SPOCK3: variants seen among roughly 807,000 people sequenced by gnomAD.
The protein encoded by SPOCK3 is testican-3.
Under a neutral mutation model 56.6 loss-of-function variants are expected in SPOCK3, and 30 were observed. The observed-to-expected ratio is 0.53, with a 90% CI of 0.40 to 0.72. The LOEUF (loss-of-function observed/expected upper bound fraction) is 0.72, where lower values mean the gene tolerates loss of function less well. Among genes scored for constraint, SPOCK3 ranks in the 30% least tolerant of loss-of-function variants. The pLI is 0.00. For missense variants in SPOCK3, 527 were observed against 530.0 expected (o/e 0.99, Z 0.06); for synonymous variants, 196 against 183.3 (o/e 1.07, Z -0.56).
At chr4:167,163,108 C>A (rs151166780) in intron 2 of SPOCK3, among the ~76,000 whole-genome samples, 316 of 149,104 alleles carry the variant, frequency 2.1e-3, no homozygotes, top group African/African-American at 7.1e-3. Context: ...TTTTTATTTA[C>A]ATACAATTTT....
At chr4:167,234,233 A>G in intron 1 of SPOCK3, 60 bp from the exon 2 acceptor site, 1 of 1,562,346 alleles carries the variant, frequency 6.4e-7, no homozygotes, top group Non-Finnish European at 8.8e-7. Context: ...AAGGGGTACG[A>G]AGCCAGGAGC....
At chr4:167,199,233 GTGT>G (rs1733270328) in intron 2 of SPOCK3, among the ~76,000 whole-genome samples, 1 of 142,888 alleles carries the variant, frequency 7.0e-6, no homozygotes, top group South Asian at 2.2e-4. Flanking sequence ...GTTTGTGTGT[GTGT>G]GTGTGTGTGT....
At chr4:167,058,732 T>G (rs1580158817) in intron 3 of SPOCK3, among the ~76,000 whole-genome samples, 2 of 152,024 alleles carry the variant, frequency 1.3e-5, no homozygotes, top group South Asian at 2.1e-4. Context: ...GAGGCATCAC[T>G]CTACCTGACT....
intron 2 of SPOCK3, among the ~76,000 whole-genome samples, chr4:167,144,663 T>C (rs1409229392): frequency 2.6e-5 from 4 of 151,380 alleles, no homozygotes; most frequent in African/African-American, 7.3e-5. Context: ...AGCTTGTGAT[T>C]TTAAACAGGA....
At position 166,737,602 on chromosome 4, in the gene SPOCK3, G is replaced by T. The variant is rs747369081; in HGVS notation, c.997C>A (p.Gln333Lys). The T allele has an allele frequency of 6.2e-7, 1 of 1,607,224 alleles. No homozygotes were observed. Residue 333 changes from glutamine (Q) to lysine (K), a missense_variant and splice_region_variant, in exon 10 of 11, where the codon CAG becomes AAG. Coordinates refer to ENST00000357545, the MANE Select transcript of SPOCK3 (RefSeq NM_001040159.2). ...KRQGVKKLLG[Q>K]YIPLCDEDGY... ...TCTTCATCACACAGGGGGATATACT[G>T]TCCTGTTGAAACAACACACAGGCAT...
At chr4:166,909,714 C>G (rs1182660500) in intron 5 of SPOCK3, among the ~76,000 whole-genome samples, 2 of 152,040 alleles carry the variant, frequency 1.3e-5, no homozygotes, top group Non-Finnish European at 2.9e-5. Context: ...AAGCAAGGAG[C>G]TTCATGGACC....
intron 2 of SPOCK3, among the ~76,000 whole-genome samples, chr4:167,196,081 T>A (rs931710224): frequency 3.5e-4 from 54 of 152,276 alleles, no homozygotes; most frequent in African/African-American, 1.2e-3. Context: ...TAAGAAAAAA[T>A]TGTATCATAC....
intron 2 of SPOCK3, among the ~76,000 whole-genome samples, chr4:167,208,987 A>G (rs922909508): frequency 2.0e-5 from 3 of 152,174 alleles, no homozygotes; most frequent in Non-Finnish European, 4.4e-5. Context: ...CTAATAGTGA[A>G]ATATCTTTTT....
intron 2 of SPOCK3, among the ~76,000 whole-genome samples, chr4:167,090,463 T>C (rs374868748): frequency 2.6e-5 from 4 of 152,156 alleles, no homozygotes; most frequent in Admixed American, 6.6e-5. Flanking sequence ...ATTTTTAGCA[T>C]GTAATATTTT....
intron 6 of SPOCK3, among the ~76,000 whole-genome samples, chr4:166,851,920 GGATT>G (rs375826573): frequency 0.013 from 1,919 of 151,918 alleles, 23 homozygotes; most frequent in Middle Eastern, 0.037. Flanking sequence ...ATGATAGATT[GGATT>G]AAGAAAATGT....
intron 3 of SPOCK3, among the ~76,000 whole-genome samples, chr4:167,024,183 G>T (rs1391865057): frequency 6.6e-6 from 1 of 151,826 alleles, no homozygotes; most frequent in African/African-American, 2.4e-5. Context: ...CCCTTAACCT[G>T]TTCACACTTT....
At chr4:167,164,126 GAACT>G (rs1244561251) in intron 2 of SPOCK3, among the ~76,000 whole-genome samples, 5 of 152,006 alleles carry the variant, frequency 3.3e-5, no homozygotes, top group Non-Finnish European at 5.9e-5. Flanking sequence ...GTCCAGACAA[GAACT>G]AACAAAGCTT....
intron 2 of SPOCK3, among the ~76,000 whole-genome samples, chr4:167,170,805 G>A (rs1730434561): frequency 6.6e-6 from 1 of 152,158 alleles, no homozygotes; most frequent in Non-Finnish European, 1.5e-5. Context: ...ATGTGGAGGT[G>A]TTAGAGCCCC....
chr4:167,108,771 A>G (rs528495040), intron 2 of SPOCK3, among the ~76,000 whole-genome samples: 3 of 150,990 alleles, frequency 2.0e-5, no homozygotes, highest in Non-Finnish European at 4.4e-5. Flanking sequence ...GTAGTCAAAA[A>G]TAATTTAACT....
chr4:166,877,297 C>A (rs1224955116), intron 6 of SPOCK3, among the ~76,000 whole-genome samples: 1 of 152,122 alleles, frequency 6.6e-6, no homozygotes, highest in African/African-American at 2.4e-5. Context: ...GATTTCTCTG[C>A]AGCTATTTTC....
intron 3 of SPOCK3, among the ~76,000 whole-genome samples, chr4:167,034,034 G>T (rs1433179522): frequency 6.6e-6 from 1 of 151,880 alleles, no homozygotes; most frequent in Non-Finnish European, 1.5e-5. Flanking sequence ...AATATTAACA[G>T]AAATAGCCAC....
At chr4:167,206,631 C>T (rs544967651) in intron 2 of SPOCK3, among the ~76,000 whole-genome samples, 7 of 152,158 alleles carry the variant, frequency 4.6e-5, no homozygotes, top group African/African-American at 1.4e-4. Context: ...GAAATATGAG[C>T]TATTCAGTTC....
intron 2 of SPOCK3, among the ~76,000 whole-genome samples, chr4:167,220,852 TGACA>T: frequency 6.6e-6 from 1 of 152,162 alleles, no homozygotes; most frequent in African/African-American, 2.4e-5. Flanking sequence ...TTGAAACTAC[TGACA>T]TTTGTAAGAC....
At chr4:166,842,304 G>T (rs1160184198) in intron 6 of SPOCK3, among the ~76,000 whole-genome samples, 3 of 152,270 alleles carry the variant, frequency 2.0e-5, no homozygotes, top group Admixed American at 6.5e-5. Flanking sequence ...ATATCCTGCT[G>T]ATTGGTCCAT....
Sources: gnomAD v4.1 joint callset for allele counts (sites outside exome capture counted in the v4.1 genomes callset) on GRCh38, gnomAD v4.1.1 for gene constraint, MANE v1.5 for transcripts, NCBI Gene and HGNC (gene_info 2026-07-23, HGNC 2026-07-21) for gene names.